The following UTS2R variants were observed in gnomAD, a reference collection of about 807,000 sequenced individuals.
UTS2R encodes urotensin 2 receptor.
For missense variants in UTS2R, 653 were observed against 562.2 expected (o/e 1.16, Z -1.63); for synonymous variants, 335 against 280.9 (o/e 1.19, Z -1.93).
chr17:82,375,191 G>T lies in UTS2R; in HGVS notation c.867G>T (p.Ala289=). 6.4e-7 allele frequency: 1 copy of T among 1,559,846 alleles called. No individual in the cohort carries two copies. Among genetic ancestry groups the T allele is most frequent in the Non-Finnish European group, 8.7e-7 (1 of 1,154,394 alleles). The part of the protein sequence containing the change: ...LLAQYHQAPL[A]PRTARIVNYL... ...CCCAGTACCACCAGGCCCCGCTGGC[G>T]CCGCGGACGGCGCGCATCGTCAACT... The change falls in exon 3 of 3, where the codon GCG becomes GCT. Residue 289 remains alanine, a synonymous_variant. Coordinates refer to ENST00000313135, the MANE Select transcript of UTS2R (RefSeq NM_018949.3).
chr17:82,374,376 G>A lies in UTS2R; in HGVS notation c.52G>A (p.Gly18Ser), dbSNP rs764280981. Reference sequence around the variant, plus strand: ...CAGCTTCCCTGGGCTGGCCGCCACTGGCAGCTCTGTGCCGGAGCCGCCTGG... The same window carrying A: ...CAGCTTCCCTGGGCTGGCCGCCACTAGCAGCTCTGTGCCGGAGCCGCCTGG... ...PSSFPGLAATGSSVPEPPGGP... is the reference protein window; with the variant it reads ...PSSFPGLAATSSSVPEPPGGP... Residue 18 changes from glycine (G) to serine (S), a missense_variant, in exon 3 of 3, where the codon GGC (glycine) becomes AGC (serine). Physicochemically the swap from Gly to Ser is moderately conservative, Grantham distance 56. Coordinates refer to ENST00000313135, the MANE Select transcript of UTS2R (RefSeq NM_018949.3). 1 of 1,588,194 alleles carries A rather than the reference G, an allele frequency of 6.3e-7. No homozygotes were observed. The highest frequency in any genetic ancestry group is 1.7e-5 in the Admixed American group (1 of 58,756).
intron 2 of UTS2R, among the ~76,000 whole-genome samples, chr17:82,373,398 G>T (rs1341610814): frequency 2.6e-5 from 4 of 152,106 alleles, no homozygotes; most frequent in Non-Finnish European, 5.9e-5. Flanking sequence ...CTGACCTCAG[G>T]TGATCCACTT....
rs1355586719 is a variant in UTS2R, at chr17:82,376,509, G to A, written c.*1015G>A. ...CTGGGGCAAGGGTCATGCCCGCTTG[G>A]TCCCTCCAGTGCCTACCCCTCAGTG... On this transcript the variant is annotated 3_prime_UTR_variant, in exon 3 of 3. Transcript: ENST00000313135. Among the ~76,000 whole-genome samples the A allele has an allele frequency of 6.6e-6, 1 of 152,192 alleles. No individual in the cohort carries two copies. The highest frequency in any genetic ancestry group is 1.5e-5 in the Non-Finnish European group (1 of 68,040).
rs1016218785 is a variant in UTS2R at position 82,376,871 on chromosome 17, C to A, written c.*1377C>A. ...GGTCAGCCCCCCGCCCGGCCAGCCA[C>A]CCCGTCCGGGAGGTGAGGGGCGCCT... On this transcript the variant is annotated 3_prime_UTR_variant, in exon 3 of 3. Coordinates refer to ENST00000313135, the MANE Select transcript of UTS2R (RefSeq NM_018949.3). Among the ~76,000 whole-genome samples, 1 of 152,206 alleles carries A rather than the reference C, an allele frequency of 6.6e-6. No individual in the cohort carries two copies. Among genetic ancestry groups the A allele is most frequent in the South Asian group, 2.1e-4 (1 of 4,830 alleles).
At chr17:82,373,902 A>C (rs6502104) in intron 2 of UTS2R, among the ~76,000 whole-genome samples, 40,907 of 152,190 alleles carry the variant, frequency 0.27, 5,856 homozygotes, top group Non-Finnish European at 0.31. Flanking sequence ...GGGGGGCGCA[A>C]TGGGCAGAGC....
chr17:82,373,490 C>G (rs2052464128), intron 2 of UTS2R, among the ~76,000 whole-genome samples: 1 of 152,192 alleles, frequency 6.6e-6, no homozygotes, highest in Non-Finnish European at 1.5e-5. Flanking sequence ...GATCTCCTAG[C>G]CTGTGGCTTA....
Position 82,375,042 on chromosome 17 carries a change from C to A in UTS2R, c.718C>A (p.Arg240Ser), listed in dbSNP as rs1304754898. 35 of 1,414,842 alleles carry A rather than the reference C, an allele frequency of 2.5e-5. No homozygotes were observed. Among genetic ancestry groups the A allele is most frequent in the Non-Finnish European group, 2.9e-5 (31 of 1,082,646 alleles). 87.6% of individuals were successfully genotyped at this position (1,414,842 alleles called of 1,614,324 possible). ...CGCGCGCCTGGCCCGCGCCTACCGC[C>A]GCTCGCAGCGCGCCTCCTTCAAGCG... ...LYARLARAYRRSQRASFKRAR... is the reference protein window; with the variant it reads ...LYARLARAYRSSQRASFKRAR... The change falls in exon 3 of 3, where the codon CGC becomes AGC. Residue 240 changes from arginine (R) to serine (S), a missense_variant. Physicochemically the swap from Arg to Ser is moderately radical, Grantham distance 110. Coordinates refer to ENST00000313135, the MANE Select transcript of UTS2R (RefSeq NM_018949.3).
In UTS2R at chr17:82,374,935, GC is replaced by G. The variant is rs1453429986; in HGVS notation, c.614del (p.Pro205ArgfsTer8). On this transcript the variant is annotated frameshift_variant, in exon 3 of 3. Coordinates refer to ENST00000313135, the MANE Select transcript of UTS2R (RefSeq NM_018949.3). LOFTEE classifies it low-confidence loss of function (END_TRUNC). Reference protein sequence around the residue: ...GPKSLCLPAWGPRAHRAYLTL... With the variant: ...GPKSLCLPAWXPRAHRAYLTL... Reference sequence around the variant, plus strand: ...AAGAGCCTGTGCCTGCCCGCCTGGGGCCCGCGCGCCCACCGCGCCTACCTGA... The same window carrying G: ...AAGAGCCTGTGCCTGCCCGCCTGGGGCCGCGCGCCCACCGCGCCTACCTGA... 5 of 1,094,124 alleles carry G rather than the reference GC, an allele frequency of 4.6e-6. No homozygotes were observed. The highest frequency in any genetic ancestry group is 6.6e-6 in the Non-Finnish European group (5 of 756,908). 67.8% of individuals were successfully genotyped at this position (1,094,124 alleles called of 1,614,324 possible). A position where few individuals can be genotyped will look rare whatever the true frequency, so the allele number is the denominator to read the frequency against.
intron 1 of UTS2R, among the ~76,000 whole-genome samples, 141 bp from the exon 2 acceptor site, chr17:82,372,457 G>A (rs970229284): frequency 4.6e-5 from 7 of 152,270 alleles, no homozygotes; most frequent in Admixed American, 4.6e-4. Context: ...ACATTTCCAG[G>A]CCCTGGAAGG....
Position 82,374,484 on chromosome 17 carries a change from A to AT in UTS2R, c.162dup (p.Gly55TrpfsTer314). 1 of 1,592,982 alleles carries AT rather than the reference A, an allele frequency of 6.3e-7. No individual in the cohort carries two copies. Among genetic ancestry groups the AT allele is most frequent in the Non-Finnish European group, 8.5e-7 (1 of 1,170,958 alleles). ...GGAGGACCTGGTGGCCACGGGCACC[A>AT]TTGGGACTCTGCTGTCGGCCATGGG... is the stretch of plus-strand genomic sequence containing the variant. On this transcript the variant is annotated frameshift_variant, in exon 3 of 3. Coordinates refer to ENST00000313135, the MANE Select transcript of UTS2R (RefSeq NM_018949.3). LOFTEE classifies it low-confidence loss of function (END_TRUNC).
Position 82,374,766 on chromosome 17 carries a change from C to A in UTS2R, c.442C>A (p.Arg148Ser), listed in dbSNP as rs913669442. ...IFTLTVMSSE[R>S]YAAVLRPLDT... ...CACGCTGACCGTCATGAGCAGCGAG[C>A]GCTACGCTGCGGTGCTGCGGCCGCT... Residue 148 changes from arginine to serine, a missense_variant, in exon 3 of 3, where the codon CGC becomes AGC. Arg to Ser is a moderately radical substitution (Grantham distance 110). Transcript: ENST00000313135. 2 of 1,605,310 alleles carry A rather than the reference C, an allele frequency of 1.2e-6. No homozygotes were observed. Among genetic ancestry groups the A allele is most frequent in the Non-Finnish European group, 1.7e-6 (2 of 1,177,736 alleles).
rs891052531 is a variant in UTS2R at position 82,377,270 on chromosome 17, G to A, written c.*1776G>A. On this transcript the variant is annotated 3_prime_UTR_variant, in exon 3 of 3. Transcript: ENST00000313135. ...TTAAACAGATGCTTGAAGGCAGCACGCTCGTTAGGAGTCATCACCACTCCC... is the reference window on the plus strand; with the variant it reads ...TTAAACAGATGCTTGAAGGCAGCACACTCGTTAGGAGTCATCACCACTCCC... Among the ~76,000 whole-genome samples, 3 of 152,160 alleles carry A rather than the reference G, an allele frequency of 2.0e-5. No homozygotes were observed. Among genetic ancestry groups the A allele is most frequent in the African/African-American group, 7.2e-5 (3 of 41,422 alleles).
chr17:82,374,750 C>T lies in UTS2R; in HGVS notation c.426C>T (p.Thr142=), dbSNP rs769680132. Reference sequence around the variant, plus strand: ...TGCACGCCAGCATCTTCACGCTGACCGTCATGAGCAGCGAGCGCTACGCTG... The same window carrying T: ...TGCACGCCAGCATCTTCACGCTGACTGTCATGAGCAGCGAGCGCTACGCTG... ...LTMHASIFTL[T]VMSSERYAAV... is the part of the protein sequence containing the mutation. The change falls in exon 3 of 3, where the codon ACC becomes ACT. Residue 142 remains threonine (T), a synonymous_variant. Coordinates refer to ENST00000313135, the MANE Select transcript of UTS2R (RefSeq NM_018949.3). The T allele has an allele frequency of 6.2e-7, 1 of 1,610,806 alleles. No individual in the cohort carries two copies. Among genetic ancestry groups the T allele is most frequent in the South Asian group, 1.1e-5 (1 of 90,994 alleles).
At position 82,377,416 on chromosome 17, in the gene UTS2R, A is replaced by G. The variant is rs2052505026; in HGVS notation, c.*1922A>G. On this transcript the variant is annotated 3_prime_UTR_variant, in exon 3 of 3. Coordinates refer to ENST00000313135, the MANE Select transcript of UTS2R (RefSeq NM_018949.3). ...ACCTTCCCTCCACTATTGTCCTATG[A>G]CCCTGCCAAATCCCCCTCTGCGAGA... Among the ~76,000 whole-genome samples the G allele has an allele frequency of 2.7e-5, 4 of 148,948 alleles. No homozygotes were observed. In the South Asian group the frequency reaches 8.5e-4, roughly 32 times the overall value.
At position 82,377,412 on chromosome 17, in the gene UTS2R, T is replaced by C. The variant is rs2052504994; in HGVS notation, c.*1918T>C. Among the ~76,000 whole-genome samples the C allele has an allele frequency of 6.7e-6, 1 of 148,190 alleles. No individual in the cohort carries two copies. Among genetic ancestry groups the C allele is most frequent in the African/African-American group, 2.5e-5 (1 of 40,034 alleles). ...GCTGACCTTCCCTCCACTATTGTCC[T>C]ATGACCCTGCCAAATCCCCCTCTGC... On this transcript the variant is annotated 3_prime_UTR_variant, in exon 3 of 3. Coordinates refer to ENST00000313135, the MANE Select transcript of UTS2R (RefSeq NM_018949.3).
chr17:82,375,116 GCTGCTCTTCTGGGCCTGCTTC>G lies in UTS2R; in HGVS notation c.797_817del (p.Leu266_Leu272del). 6.6e-7 allele frequency: 1 copy of G among 1,506,894 alleles called. No individual in the cohort carries two copies. The allele number at this position is 1,506,894 out of a possible 1,614,324, so 93.3% of individuals were successfully genotyped here. On this transcript the variant is annotated inframe_deletion, in exon 3 of 3. Transcript: ENST00000313135. ...CGCTGCGCCTGGTGCTGGGCATCGT[GCTGCTCTTCTGGGCCTGCTTC>G]CTGCCCTTCTGGCTGTGGCAGCTGC...
Position 82,375,509 on chromosome 17 carries a change from G to T in UTS2R, c.*15G>T. On this transcript the variant is annotated 3_prime_UTR_variant, in exon 3 of 3. Transcript: ENST00000313135. ...CCCCGGCGTGAGCACGCGGAGGGGC[G>T]GCTGGAGTCCAGGCGGGGACGCGCC... 8.7e-7 allele frequency: 1 copy of T among 1,144,046 alleles called. No homozygotes were observed. The highest frequency in any genetic ancestry group is 3.2e-5 in the Admixed American group (1 of 31,388). The allele number at this position is 1,144,046 out of a possible 1,614,324, so 70.9% of individuals were successfully genotyped here.
At chr17:82,374,113 G>A in intron 2 of UTS2R, 130 bp from the exon 3 acceptor site, 2 of 561,788 alleles carry the variant, frequency 3.6e-6, no homozygotes, top group Non-Finnish European at 6.3e-6. Flanking sequence ...CTCCTGCAGA[G>A]CTGGTGGCTT....
chr17:82,374,348 G>T lies in UTS2R; in HGVS notation c.24G>T (p.Pro8=). 1 of 1,579,494 alleles carries T rather than the reference G, an allele frequency of 6.3e-7. No homozygotes were observed. The change falls in exon 3 of 3, where the codon CCG becomes CCT. Residue 8 remains proline (P), a synonymous_variant. Coordinates refer to ENST00000313135, the MANE Select transcript of UTS2R (RefSeq NM_018949.3). MALTPES[P]SSFPGLAATG... The stretch of plus-strand genomic sequence containing the variant: ...AGATGGCGCTGACCCCCGAGTCCCC[G>T]AGCAGCTTCCCTGGGCTGGCCGCCA...
Sources: allele counts gnomAD v4.1 joint callset (sites outside exome capture counted in the v4.1 genomes callset), GRCh38; gene constraint gnomAD v4.1.1; transcripts MANE v1.5; gene names NCBI Gene and HGNC (gene_info 2026-07-23, HGNC 2026-07-21).